TAF2: variants seen among roughly 807,000 people sequenced by gnomAD.
TAF2 encodes the protein transcription initiation factor TFIID subunit 2.
TAF2 carries 61 observed loss-of-function variants against 138.5 expected under a neutral mutation model. That is an observed-to-expected ratio of 0.44 (90% CI 0.36 to 0.54). The LOEUF (loss-of-function observed/expected upper bound fraction) is 0.54, where lower values mean the gene tolerates loss of function less well. Among genes scored for constraint, TAF2 ranks in the 20% least tolerant of loss-of-function variants. The pLI is 0.00. For synonymous variants in TAF2, 475 were observed against 469.9 expected (o/e 1.01, Z -0.14); for missense variants, 1,090 against 1,427.9 (o/e 0.76, Z 3.81).
At chr8:119,785,869 T>C (rs1822978870) in intron 14 of TAF2, among the ~76,000 whole-genome samples, 1 of 152,186 alleles carries the variant, frequency 6.6e-6, no homozygotes, top group Non-Finnish European at 1.5e-5. Context: ...TGACATTCTG[T>C]TATTACAGAG....
At chr8:119,796,835 T>A (rs1037432533) in intron 8 of TAF2, among the ~76,000 whole-genome samples, 155 bp downstream of exon 8, 4 of 152,038 alleles carry the variant, frequency 2.6e-5, no homozygotes, top group African/African-American at 9.7e-5. Context: ...AAAGTTAGGA[T>A]GAAACTTATA....
At chr8:119,793,341 TATC>T (rs1169845015) in intron 10 of TAF2, 22 bp downstream of exon 10, 3 of 1,574,324 alleles carry the variant, frequency 1.9e-6, no homozygotes, top group Non-Finnish European at 2.6e-6. Flanking sequence ...AGGTTTATAA[TATC>T]ATCTCTGAAC....
chr8:119,733,118 T>G (rs948087534), intron 25 of TAF2, among the ~76,000 whole-genome samples: 2 of 152,186 alleles, frequency 1.3e-5, no homozygotes, highest in African/African-American at 4.8e-5. Context: ...ATCTTGGAAC[T>G]AATCCCCTCT....
intron 18 of TAF2, among the ~76,000 whole-genome samples, chr8:119,764,739 A>G (rs1393073884): frequency 6.6e-6 from 1 of 152,202 alleles, no homozygotes; most frequent in East Asian, 1.9e-4. Context: ...AAGGAATTAA[A>G]TTATATAAAT....
intron 15 of TAF2, among the ~76,000 whole-genome samples, chr8:119,784,298 T>C (rs1483616194): frequency 6.6e-6 from 1 of 152,224 alleles, no homozygotes; most frequent in African/African-American, 2.4e-5. Context: ...CTCATGTCTG[T>C]AACCCCAGCA....
At chr8:119,735,727 A>G (rs1819180989) in intron 25 of TAF2, among the ~76,000 whole-genome samples, 1 of 152,240 alleles carries the variant, frequency 6.6e-6, no homozygotes, top group African/African-American at 2.4e-5. Context: ...GGACAAAAAT[A>G]TTGAGATTAT....
At chr8:119,791,545 C>A in intron 10 of TAF2, 86 bp from the exon 11 acceptor site, 1 of 1,465,838 alleles carries the variant, frequency 6.8e-7, no homozygotes, top group Non-Finnish European at 9.2e-7. Flanking sequence ...AAGAAAATAC[C>A]CAAAAAACCT....
intron 22 of TAF2, among the ~76,000 whole-genome samples, chr8:119,755,071 T>C (rs13270831): frequency 0.27 from 41,353 of 152,218 alleles, 6,881 homozygotes; most frequent in Admixed American, 0.46. Flanking sequence ...ATCACCTACA[T>C]TTTACAAATG....
chr8:119,824,744 A>G (rs2131266293), intron 2 of TAF2, among the ~76,000 whole-genome samples: 1 of 152,358 alleles, frequency 6.6e-6, no homozygotes, highest in East Asian at 1.9e-4. Flanking sequence ...CCATAGTTTC[A>G]GATGGTACAA....
In TAF2 at chr8:119,789,581, GA is replaced by G; in HGVS notation, c.1568+10del. 6.2e-7 allele frequency: 1 copy of G among 1,612,736 alleles called. No individual in the cohort carries two copies. Among genetic ancestry groups the G allele is most frequent in the Non-Finnish European group, 8.5e-7 (1 of 1,179,690 alleles). On this transcript the variant is annotated intron_variant, in intron 12 of 25. Transcript: ENST00000378164. ...TTCCCCACTCTGTTGAACTGCTATTGAAAAGGATACACCCACTGCTTTATTA... is the reference window on the plus strand; with the variant it reads ...TTCCCCACTCTGTTGAACTGCTATTGAAAGGATACACCCACTGCTTTATTA...
At chr8:119,775,219 T>C (rs1481231600) in intron 18 of TAF2, among the ~76,000 whole-genome samples, 1 of 143,494 alleles carries the variant, frequency 7.0e-6, no homozygotes, top group Non-Finnish European at 1.5e-5. Flanking sequence ...AGGCAGAGGT[T>C]GCAGTGAGCT....
At chr8:119,793,564 T>C (rs911416072) in intron 9 of TAF2, 113 bp from the exon 10 acceptor site, 22 of 792,788 alleles carry the variant, frequency 2.8e-5, no homozygotes, top group Non-Finnish European at 4.3e-5. Context: ...AGAATGTAAA[T>C]TTCTTAAAAT....
chr8:119,806,441 G>A, intron 3 of TAF2, 40 bp from the exon 4 acceptor site: 1 of 1,300,094 alleles, frequency 7.7e-7, no homozygotes, highest in South Asian at 1.2e-5. Flanking sequence ...AATAAGCCAT[G>A]TATCTTACCA....
At chr8:119,740,669 A>AG (rs1194746443) in intron 25 of TAF2, among the ~76,000 whole-genome samples, 2 of 97,522 alleles carry the variant, frequency 2.1e-5, no homozygotes, top group African/African-American at 7.6e-5. Context: ...TCTCAAAAAA[A>AG]AAAAAAAAAA....
At chr8:119,807,597 T>C (rs1039943308) in intron 3 of TAF2, among the ~76,000 whole-genome samples, 1 of 152,178 alleles carries the variant, frequency 6.6e-6, no homozygotes, top group Non-Finnish European at 1.5e-5. Context: ...ATTAGTGACA[T>C]TCCTATAACT....
At chr8:119,756,975 A>G (rs17217893) in intron 21 of TAF2, among the ~76,000 whole-genome samples, 36,753 of 152,134 alleles carry the variant, frequency 0.24, 4,962 homozygotes, top group Middle Eastern at 0.44. Context: ...ATGCTTGGAT[A>G]TAAGTGAGGA....
At chr8:119,776,258 C>G (rs1412130694) in intron 18 of TAF2, among the ~76,000 whole-genome samples, 1 of 150,890 alleles carries the variant, frequency 6.6e-6, no homozygotes, top group East Asian at 1.9e-4. Context: ...GGAGTCTTTA[C>G]GCTTAAATTA....
At chr8:119,794,597 C>T (rs1283702617) in intron 9 of TAF2, among the ~76,000 whole-genome samples, 1 of 152,092 alleles carries the variant, frequency 6.6e-6, no homozygotes, top group East Asian at 1.9e-4. Flanking sequence ...CTTTCTGTTC[C>T]TCAGTTTCTT....
chr8:119,732,443 T>C (rs986526598), intron 25 of TAF2, among the ~76,000 whole-genome samples: 45 of 152,284 alleles, frequency 3.0e-4, no homozygotes, highest in African/African-American at 1.1e-3. Flanking sequence ...TACCAAATCA[T>C]CTTTTAAAAA....
Sources: gnomAD v4.1 joint callset for allele counts (sites outside exome capture counted in the v4.1 genomes callset) on GRCh38, gnomAD v4.1.1 for gene constraint, MANE v1.5 for transcripts, NCBI Gene and HGNC (gene_info 2026-07-23, HGNC 2026-07-21) for gene names.